Variants in MAP4 observed in about 807,000 individuals in gnomAD.
The protein encoded by MAP4 is microtubule associated protein 4.
In MAP4, 76 loss-of-function variants were observed where a neutral mutation model predicts 170.2. That is an observed-to-expected ratio of 0.45 (90% confidence interval 0.37 to 0.54). MAP4 has a LOEUF of 0.54. Among genes scored for constraint, MAP4 ranks in the 20% least tolerant of loss-of-function variants. The probability of loss-of-function intolerance (pLI) is 0.00; values close to 1 mark genes in which losing one functional copy is unlikely to be tolerated. For synonymous variants in MAP4, 909 were observed against 994.5 expected (o/e 0.91, Z 1.62); for missense variants, 2,506 against 2,748.0 (o/e 0.91, Z 1.97).
intron 12 of MAP4, 96 bp from the exon 13 acceptor site, chr3:47,872,196 T>C (rs1398786211): frequency 1.2e-5 from 14 of 1,201,202 alleles, no homozygotes; most frequent in Non-Finnish European, 1.2e-5. Flanking sequence ...TTTTGTTTTG[T>C]TTTTGGAGAC....
intron 17 of MAP4, among the ~76,000 whole-genome samples, chr3:47,859,888 C>G (rs944605511): frequency 2.9e-4 from 44 of 152,220 alleles, no homozygotes; most frequent in Admixed American, 8.5e-4. Flanking sequence ...TAAGTATGTG[C>G]TGATGACACC....
At chr3:48,048,707 C>A (rs1456254838) in intron 1 of MAP4, among the ~76,000 whole-genome samples, 1 of 151,840 alleles carries the variant, frequency 6.6e-6, no homozygotes, top group African/African-American at 2.4e-5. Context: ...TTTGTAGAGA[C>A]AGGATCTCAC....
intron 3 of MAP4, among the ~76,000 whole-genome samples, chr3:47,936,016 T>C (rs2100052606): frequency 6.7e-6 from 1 of 150,348 alleles, no homozygotes; most frequent in East Asian, 2.0e-4. Context: ...AAATTAAGAA[T>C]ATAGCTGCCA....
intron 1 of MAP4, among the ~76,000 whole-genome samples, chr3:48,028,543 G>A (rs1161437547): frequency 1.3e-5 from 2 of 152,044 alleles, no homozygotes; most frequent in African/African-American, 4.8e-5. Flanking sequence ...GGGAGGGTGA[G>A]GCAGGTGGAT....
At chr3:48,046,820 C>A (rs1387504410) in intron 1 of MAP4, among the ~76,000 whole-genome samples, 2 of 152,150 alleles carry the variant, frequency 1.3e-5, no homozygotes, top group Non-Finnish European at 2.9e-5. Context: ...GTTAGCCGGG[C>A]GCGGTGGCTC....
intron 1 of MAP4, among the ~76,000 whole-genome samples, chr3:48,055,245 T>A (rs62260830): frequency 6.6e-6 from 1 of 150,832 alleles, no homozygotes. Flanking sequence ...CGTCTCCCCA[T>A]GGTCTCCCTC....
At chr3:47,965,099 T>C (rs2100074071) in intron 3 of MAP4, among the ~76,000 whole-genome samples, 1 of 152,210 alleles carries the variant, frequency 6.6e-6, no homozygotes, top group Non-Finnish European at 1.5e-5. Context: ...ATAAATGGAG[T>C]ATATTTATAT....
intron 4 of MAP4, among the ~76,000 whole-genome samples, chr3:47,925,861 C>T (rs1359773470): frequency 3.3e-5 from 5 of 152,008 alleles, no homozygotes; most frequent in African/African-American, 4.8e-5. Context: ...TACAATTCAG[C>T]GGAATTTTTT....
At chr3:47,947,325 C>T (rs1578130987) in intron 3 of MAP4, among the ~76,000 whole-genome samples, 1 of 152,184 alleles carries the variant, frequency 6.6e-6, no homozygotes, top group East Asian at 1.9e-4. Context: ...TGGCACCCAG[C>T]TGGACTTGTG....
chr3:48,051,473 T>A (rs1025190092), intron 1 of MAP4, among the ~76,000 whole-genome samples: 4 of 152,174 alleles, frequency 2.6e-5, no homozygotes, highest in Non-Finnish European at 4.4e-5. Flanking sequence ...AGTCTTTAAT[T>A]TCTTTATAGC....
intron 10 of MAP4, chr3:47,891,918 C>T (rs1280897009): frequency 1.3e-6 from 2 of 1,536,006 alleles, no homozygotes; most frequent in African/African-American, 2.7e-5. Context: ...GAGCCTTGAG[C>T]CACTGGATGA....
chr3:48,018,017 A>C (rs1389396917), upstream of MAP4, among the ~76,000 whole-genome samples: 1 of 152,246 alleles, frequency 6.6e-6, no homozygotes, highest in African/African-American at 2.4e-5. Flanking sequence ...TCGCATGTGC[A>C]GTTCACAATA....
intron 1 of MAP4, among the ~76,000 whole-genome samples, chr3:48,084,380 CAT>C (rs1327763580): frequency 2.2e-5 from 3 of 137,526 alleles, no homozygotes; most frequent in African/African-American, 8.1e-5. Context: ...AACATGATCT[CAT>C]CTCTAAAAAA....
chr3:48,064,956 C>T (rs1219950886), intron 1 of MAP4, among the ~76,000 whole-genome samples: 1 of 152,006 alleles, frequency 6.6e-6, no homozygotes, highest in African/African-American at 2.4e-5. Flanking sequence ...TAGAAAGTAC[C>T]CATCTCTACA....
intron 5 of MAP4, among the ~76,000 whole-genome samples, chr3:47,920,628 T>G (rs375528529): frequency 6.7e-6 from 1 of 149,832 alleles, no homozygotes; most frequent in South Asian, 2.1e-4. Flanking sequence ...CATGGCTCAA[T>G]GCAGCCTCGA....
At chr3:47,952,409 G>A (rs1248768583) in intron 3 of MAP4, among the ~76,000 whole-genome samples, 14 of 152,168 alleles carry the variant, frequency 9.2e-5, no homozygotes, top group African/African-American at 2.9e-4. Context: ...CATTGAGAAC[G>A]GGCCATGATG....
intron 3 of MAP4, among the ~76,000 whole-genome samples, chr3:47,952,130 G>C (rs1409252259): frequency 6.6e-6 from 1 of 150,842 alleles, no homozygotes; most frequent in Non-Finnish European, 1.5e-5. Context: ...CCCCGTCTGA[G>C]AAGTGAGGAG....
chr3:47,891,596 C>A, intron 10 of MAP4: 1 of 1,535,626 alleles, frequency 6.5e-7, no homozygotes, highest in South Asian at 1.2e-5. Context: ...AGACAGGGCC[C>A]TGCGCACTGC....
chr3:48,071,198 C>G (rs2100140843), intron 1 of MAP4, among the ~76,000 whole-genome samples: 1 of 152,006 alleles, frequency 6.6e-6, no homozygotes, highest in African/African-American at 2.4e-5. Flanking sequence ...GTCTCTGTAA[C>G]TTAGTGAATA....
Sources: allele counts gnomAD v4.1 joint callset (sites outside exome capture counted in the v4.1 genomes callset), GRCh38; gene constraint gnomAD v4.1.1; transcripts MANE v1.5; gene names NCBI Gene and HGNC (gene_info 2026-07-23, HGNC 2026-07-21).